The following DNER variants were observed in gnomAD, a reference collection of about 807,000 sequenced individuals.
DNER encodes the protein delta and Notch-like epidermal growth factor-related receptor.
DNER carries 33 observed loss-of-function variants against 78.2 expected under a neutral mutation model. The observed-to-expected ratio is 0.42, with a 90% CI of 0.32 to 0.56. The LOEUF is 0.56. Ranked by LOEUF, DNER falls within the 20% of genes least tolerant of loss-of-function variation. DNER has a pLI of 0.11. For missense variants in DNER, 918 were observed against 975.3 expected, an observed-to-expected ratio of 0.94 and a Z score of 0.78; for synonymous variants, 417 against 384.8, an observed-to-expected ratio of 1.08 and a Z score of -0.98.
chr2:229,649,198 T>C (rs1698770571), intron 1 of DNER, among the ~76,000 whole-genome samples: 1 of 152,232 alleles, frequency 6.6e-6, no homozygotes, highest in South Asian at 2.1e-4. Flanking sequence ...TTATTTCTAT[T>C]GCAATCAGAA....
At chr2:229,512,528 G>T (rs538180721) in intron 6 of DNER, among the ~76,000 whole-genome samples, 2 of 152,252 alleles carry the variant, frequency 1.3e-5, no homozygotes, top group Admixed American at 1.3e-4. Flanking sequence ...AGAATGCAAA[G>T]GTATATGAAT....
chr2:229,514,411 G>T (rs1695930173), intron 5 of DNER, among the ~76,000 whole-genome samples: 1 of 152,046 alleles, frequency 6.6e-6, no homozygotes, highest in South Asian at 2.1e-4. Flanking sequence ...GAATAATTTT[G>T]GCCTCAGAGG....
At chr2:229,380,338 G>A (rs1045601761) in intron 11 of DNER, among the ~76,000 whole-genome samples, 2 of 152,188 alleles carry the variant, frequency 1.3e-5, no homozygotes, top group African/African-American at 4.8e-5. Context: ...GACACAGACA[G>A]ACAGGCAGAA....
chr2:229,673,232 GAACT>G, intron 1 of DNER, among the ~76,000 whole-genome samples: 1 of 152,322 alleles, frequency 6.6e-6, no homozygotes, highest in Non-Finnish European at 1.5e-5. Context: ...CCCAGGATCA[GAACT>G]GACAGTGCCT....
intron 8 of DNER, among the ~76,000 whole-genome samples, chr2:229,441,405 A>G (rs1425443591): frequency 6.6e-6 from 1 of 152,110 alleles, no homozygotes; most frequent in Non-Finnish European, 1.5e-5. Flanking sequence ...TTTATTACCC[A>G]TTGCAGTTAG....
At chr2:229,388,539 C>T in intron 10 of DNER, 143 bp from the exon 11 acceptor site, 1 of 929,012 alleles carries the variant, frequency 1.1e-6, no homozygotes, top group Non-Finnish European at 1.4e-6. Flanking sequence ...AAGTGCAGAA[C>T]TCTCAGAAAA....
At chr2:229,549,056 A>G (rs527731108) in intron 4 of DNER, among the ~76,000 whole-genome samples, 17 of 152,292 alleles carry the variant, frequency 1.1e-4, no homozygotes, top group Admixed American at 1.1e-3. Flanking sequence ...TTATACTTAT[A>G]TAAATATTGA....
At chr2:229,679,734 T>G (rs1261057400) in intron 1 of DNER, among the ~76,000 whole-genome samples, 1 of 152,236 alleles carries the variant, frequency 6.6e-6, no homozygotes, top group Non-Finnish European at 1.5e-5. Flanking sequence ...TCACATTTAC[T>G]GTTGACTTTT....
At chr2:229,377,056 C>T (rs934274084) in intron 11 of DNER, among the ~76,000 whole-genome samples, 10 of 152,114 alleles carry the variant, frequency 6.6e-5, no homozygotes, top group African/African-American at 2.4e-4. Context: ...CTAGAGGTGG[C>T]TGTGCAAAGC....
chr2:229,557,144 T>A (rs991236185), intron 4 of DNER, among the ~76,000 whole-genome samples: 1 of 152,154 alleles, frequency 6.6e-6, no homozygotes, highest in African/African-American at 2.4e-5. Flanking sequence ...TGAAATAGAA[T>A]TCATTCAAAA....
chr2:229,553,565 G>A (rs556879760), intron 4 of DNER, among the ~76,000 whole-genome samples: 13 of 152,322 alleles, frequency 8.5e-5, no homozygotes, highest in Middle Eastern at 3.4e-3. Flanking sequence ...GGAAGAACCC[G>A]AGTAACTGTG....
chr2:229,560,386 TA>T (rs1696933573), intron 4 of DNER, among the ~76,000 whole-genome samples: 1 of 152,016 alleles, frequency 6.6e-6, no homozygotes, highest in South Asian at 2.1e-4. Context: ...ACCAATAACC[TA>T]AAAAAATGGT....
chr2:229,433,342 C>T (rs923514568), intron 8 of DNER, among the ~76,000 whole-genome samples: 2 of 152,108 alleles, frequency 1.3e-5, no homozygotes, highest in Admixed American at 6.6e-5. Flanking sequence ...ATAAATAAAC[C>T]AACAGTGAAA....
chr2:229,419,612 T>C lies in DNER; in HGVS notation c.1487-1382A>G, dbSNP rs547766449. Among the ~76,000 whole-genome samples the C allele has an allele frequency of 3.7e-4, 56 of 152,306 alleles. 1 individual carries two copies. The South Asian group carries it at 0.012, about 32-fold the overall frequency. On this transcript the variant is annotated intron_variant, in intron 8 of 12. Transcript: ENST00000341772. Reference sequence around the variant, plus strand: ...CATTATTAACAGAGCACTTTTCAAATATGTTGCCATTTCAGTTGTTTTTGA... The same window carrying C: ...CATTATTAACAGAGCACTTTTCAAACATGTTGCCATTTCAGTTGTTTTTGA...
Position 229,390,553 on chromosome 2 carries a change from G to C in DNER, c.1724-2157C>G, listed in dbSNP as rs558667956. 7.6e-4 allele frequency among the ~76,000 whole-genome samples: 116 copies of C among 152,354 alleles called. 1 individual carries two copies. In the South Asian group the frequency reaches 0.022, roughly 29 times the overall value. On this transcript the variant is annotated intron_variant, in intron 10 of 12. Transcript: ENST00000341772. The stretch of plus-strand genomic sequence containing the variant: ...AATTGTCTGTTCTTGGGATCCACTA[G>C]ATTGGACGGATTTGGTAAGAATGGA...
At chr2:229,449,879 T>A (rs919071768) in intron 7 of DNER, among the ~76,000 whole-genome samples, 3 of 152,128 alleles carry the variant, frequency 2.0e-5, no homozygotes, top group Non-Finnish European at 4.4e-5. Context: ...TGCCTTCGGG[T>A]CAAGCGATTC....
At chr2:229,611,913 C>A (rs545879342) in intron 1 of DNER, among the ~76,000 whole-genome samples, 1 of 152,304 alleles carries the variant, frequency 6.6e-6, no homozygotes, top group Admixed American at 6.5e-5. Flanking sequence ...CTTTGAAGCC[C>A]TTTTCTTCGA....
chr2:229,464,064 C>CT (rs1694755189), intron 7 of DNER, among the ~76,000 whole-genome samples: 1 of 152,162 alleles, frequency 6.6e-6, no homozygotes, highest in South Asian at 2.1e-4. Context: ...GGACAGTTGG[C>CT]TTTTCCAACT....
chr2:229,591,441 G>T lies in DNER; in HGVS notation c.585+139C>A. 3 of 1,027,780 alleles carry T rather than the reference G, an allele frequency of 2.9e-6. No individual in the cohort carries two copies. Among genetic ancestry groups the T allele is most frequent in the South Asian group, 1.8e-5 (1 of 55,808 alleles). 63.7% of individuals were successfully genotyped at this position (1,027,780 alleles called of 1,614,324 possible). ...CCATCGTACACACAAATGCAGACAG[G>T]AATAAGTTTAGGGAGATATTTTGCT... On this transcript the variant is annotated intron_variant, in intron 2 of 12. Transcript: ENST00000341772. The surrounding 1 kb of genome is among the most constrained non-coding windows in gnomAD (Gnocchi z 4.6).
Sources: gnomAD v4.1 joint callset for allele counts (sites outside exome capture counted in the v4.1 genomes callset) on GRCh38, gnomAD v4.1.1 for gene constraint, Gnocchi (gnomAD v3.1) non-coding constraint, MANE v1.5 for transcripts, NCBI Gene and HGNC (gene_info 2026-07-23, HGNC 2026-07-21) for gene names.